The following SDK1 variants were observed in gnomAD, a reference collection of about 807,000 sequenced individuals.
SDK1 encodes sidekick cell adhesion molecule 1, also known as protein sidekick-1.
In SDK1, 157 loss-of-function variants were observed where a neutral mutation model predicts 245.5. The observed-to-expected ratio is 0.64, with a 90% CI of 0.56 to 0.73. SDK1 has a LOEUF of 0.73. Among genes scored for constraint, SDK1 ranks in the 30% least tolerant of loss-of-function variants. The pLI is 0.00. For missense variants in SDK1, 3,583 were observed against 3,002.3 expected (o/e 1.19, Z -4.52); for synonymous variants, 1,647 against 1,278.5 (o/e 1.29, Z -6.15).
chr7:3,671,756 G>C (rs1348183832), intron 4 of SDK1, among the ~76,000 whole-genome samples: 1 of 152,122 alleles, frequency 6.6e-6, no homozygotes, highest in East Asian at 1.9e-4. Flanking sequence ...TTTTTGGTGA[G>C]TTTTATAATG....
intron 1 of SDK1, among the ~76,000 whole-genome samples, chr7:3,547,735 C>G (rs1779275667): frequency 6.6e-6 from 1 of 152,140 alleles, no homozygotes; most frequent in South Asian, 2.1e-4. Flanking sequence ...GATACCTTTT[C>G]TAAAGGAAGC....
At chr7:3,764,456 C>T (rs903614269) in intron 4 of SDK1, among the ~76,000 whole-genome samples, 13 of 152,244 alleles carry the variant, frequency 8.5e-5, no homozygotes, top group Non-Finnish European at 1.0e-4. Context: ...GAGGCCGAGG[C>T]GGGTGGATCA....
In SDK1 at chr7:3,967,461, G is replaced by A. The variant is rs773741781; in HGVS notation, c.1546+27G>A. ...TGGGTAGCATCCACTGCCCACAACA[G>A]CATGGCCCATGTAGAACATAACCTA... On this transcript the variant is annotated intron_variant, in intron 10 of 44. Coordinates refer to ENST00000404826, the MANE Select transcript of SDK1 (RefSeq NM_152744.4). 14 of 1,380,176 alleles carry A rather than the reference G, an allele frequency of 1.0e-5. No homozygotes were observed. The East Asian group carries it at 3.0e-4, about 29-fold the overall frequency. The allele number at this position is 1,380,176 out of a possible 1,614,324, so 85.5% of individuals were successfully genotyped here. A position where few individuals can be genotyped will look rare whatever the true frequency, so the allele number is the denominator to read the frequency against.
intron 32 of SDK1, among the ~76,000 whole-genome samples, chr7:4,167,954 G>A (rs1781595519): frequency 6.6e-6 from 1 of 152,346 alleles, no homozygotes; most frequent in East Asian, 1.9e-4. Flanking sequence ...TGGGTTCCAT[G>A]GAGCCGCCCT....
intron 4 of SDK1, among the ~76,000 whole-genome samples, chr7:3,738,090 T>A (rs1444868289): frequency 1.3e-5 from 2 of 152,258 alleles, no homozygotes; most frequent in African/African-American, 4.8e-5. Context: ...TTGTTGCCTG[T>A]CCTTTTCTTG....
Position 3,448,852 on chromosome 7 carries a change from T to C in SDK1, c.298+146968T>C, listed in dbSNP as rs537514997. 1.2e-4 allele frequency among the ~76,000 whole-genome samples: 19 copies of C among 152,320 alleles called. 1 individual carries two copies. Among genetic ancestry groups the C allele is most frequent in the Admixed American group, 8.5e-4 (13 of 15,294 alleles). On this transcript the variant is annotated intron_variant, in intron 1 of 44. Coordinates refer to ENST00000404826, the MANE Select transcript of SDK1 (RefSeq NM_152744.4). ...GATTTAGTAAGTTGAAAAGGTTATT[T>C]CTCTTTGCTCAAATGTCAAATGCTA...
intron 1 of SDK1, among the ~76,000 whole-genome samples, chr7:3,545,080 A>ATGTGGTGGGCGGCAGTAT (rs1421087758): frequency 1.3e-5 from 2 of 152,150 alleles, no homozygotes; most frequent in Non-Finnish European, 2.9e-5. Context: ...AGCTGGTGCT[A>ATGTGGTGGGCGGCAGTAT]TGTGGTGGGC....
intron 1 of SDK1, among the ~76,000 whole-genome samples, chr7:3,307,603 A>G (rs1373055874): frequency 6.6e-6 from 1 of 152,228 alleles, no homozygotes; most frequent in Non-Finnish European, 1.5e-5. Context: ...CCTGACAGAA[A>G]GCTCCAAAGC....
chr7:4,150,906 G>A (rs1482792300), intron 30 of SDK1, among the ~76,000 whole-genome samples: 1 of 152,254 alleles, frequency 6.6e-6, no homozygotes. Flanking sequence ...TCTCAGTACA[G>A]AGCTGTGAAG....
rs565169007 is a variant in SDK1 at position 3,611,695 on chromosome 7, C to T, written c.299-7385C>T. On this transcript the variant is annotated intron_variant, in intron 1 of 44. Transcript: ENST00000404826. Reference sequence around the variant, plus strand: ...TAAAAGTGTTCCCTTTTCACCACGTCCCTGCCAACATCTATTATTTTTTGA... The same window carrying T: ...TAAAAGTGTTCCCTTTTCACCACGTTCCTGCCAACATCTATTATTTTTTGA... 2.2e-3 allele frequency among the ~76,000 whole-genome samples: 334 copies of T among 152,218 alleles called. 2 individuals carry two copies. Among genetic ancestry groups the T allele is most frequent in the Non-Finnish European group, 3.8e-3 (258 of 68,022 alleles).
chr7:4,132,880 C>G (rs1373855368), intron 28 of SDK1, among the ~76,000 whole-genome samples: 1 of 152,212 alleles, frequency 6.6e-6, no homozygotes, highest in Non-Finnish European at 1.5e-5. Context: ...TCATGGGCCT[C>G]TTGACTGTTT....
chr7:3,676,616 C>T (rs1047181397), intron 4 of SDK1, among the ~76,000 whole-genome samples: 5 of 152,200 alleles, frequency 3.3e-5, no homozygotes, highest in Middle Eastern at 3.4e-3. Flanking sequence ...TGAGCCACCA[C>T]GCCTTGCCCT....
At chr7:4,088,915 G>A (rs540636973) in intron 22 of SDK1, among the ~76,000 whole-genome samples, 1 of 151,924 alleles carries the variant, frequency 6.6e-6, no homozygotes, top group African/African-American at 2.4e-5. Flanking sequence ...GCACAATGAG[G>A]TCACTCAGGC....
At chr7:3,740,222 G>C (rs1284577142) in intron 4 of SDK1, among the ~76,000 whole-genome samples, 1 of 152,130 alleles carries the variant, frequency 6.6e-6, no homozygotes, top group South Asian at 2.1e-4. Context: ...ATGTCAGTCT[G>C]TCATGCCAGA....
At chr7:4,248,705 T>A (rs548463094) in intron 44 of SDK1, among the ~76,000 whole-genome samples, 2 of 150,742 alleles carry the variant, frequency 1.3e-5, no homozygotes, top group South Asian at 2.1e-4. Context: ...CATGCACACA[T>A]GTACACACAC....
At position 3,343,459 on chromosome 7, in the gene SDK1, A is replaced by G. The variant is rs1211121805; in HGVS notation, c.298+41575A>G. 2.6e-5 allele frequency among the ~76,000 whole-genome samples: 4 copies of G among 152,248 alleles called. No individual in the cohort carries two copies. The South Asian group carries it at 6.2e-4, about 24-fold the overall frequency. On this transcript the variant is annotated intron_variant, in intron 1 of 44. Coordinates refer to ENST00000404826, the MANE Select transcript of SDK1 (RefSeq NM_152744.4). ...AATATTTATGAAATGACAAAATTCT[A>G]GAACTGGATTAGTGGCTTCCAGTGG...
At chr7:4,184,994 T>C (rs1450137775) in intron 35 of SDK1, among the ~76,000 whole-genome samples, 1 of 152,194 alleles carries the variant, frequency 6.6e-6, no homozygotes, top group East Asian at 1.9e-4. Context: ...CCACTGGCTG[T>C]CTTCAGCCTG....
chr7:4,194,291 C>T (rs1265956327), intron 35 of SDK1, among the ~76,000 whole-genome samples: 2 of 99,476 alleles, frequency 2.0e-5, no homozygotes, highest in African/African-American at 4.1e-5. Flanking sequence ...TATATGTATG[C>T]ACGTATGTGT....
At chr7:3,346,994 C>T (rs1377267459) in intron 1 of SDK1, among the ~76,000 whole-genome samples, 1 of 151,046 alleles carries the variant, frequency 6.6e-6, no homozygotes, top group East Asian at 2.0e-4. Flanking sequence ...TTATTCTCCT[C>T]CTTCTCTGCT....
Sources: gnomAD v4.1 joint callset for allele counts (sites outside exome capture counted in the v4.1 genomes callset) on GRCh38, gnomAD v4.1.1 for gene constraint, MANE v1.5 for transcripts, NCBI Gene and HGNC (gene_info 2026-07-23, HGNC 2026-07-21) for gene names.